SYN3: variants seen among roughly 807,000 people sequenced by gnomAD.
The protein encoded by SYN3 is synapsin III.
Under a neutral mutation model 65.8 loss-of-function variants are expected in SYN3, and 35 were observed. That is an observed-to-expected ratio of 0.53 (90% CI 0.41 to 0.70). The LOEUF is 0.70. SYN3 is among the 30% of genes least tolerant of loss of function. The pLI is 0.00. For missense variants in SYN3, 680 were observed against 749.0 expected (o/e 0.91, Z 1.08); for synonymous variants, 270 against 292.9 (o/e 0.92, Z 0.80).
intron 3 of SYN3, among the ~76,000 whole-genome samples, chr22:32,958,522 A>C (rs571944154): frequency 3.3e-5 from 5 of 152,346 alleles, no homozygotes; most frequent in African/African-American, 1.2e-4. Context: ...AATACTATCC[A>C]TAGTTCCAGT....
At chr22:32,842,305 T>C (rs1601516368) in intron 6 of SYN3, among the ~76,000 whole-genome samples, 1 of 152,158 alleles carries the variant, frequency 6.6e-6, no homozygotes, top group African/African-American at 2.4e-5. Flanking sequence ...TGGTGATCAA[T>C]AGGCTGGGAA....
chr22:32,852,671 C>T (rs1398207181), intron 6 of SYN3, among the ~76,000 whole-genome samples: 1 of 152,146 alleles, frequency 6.6e-6, no homozygotes, highest in South Asian at 2.1e-4. Context: ...GACCTTCTCC[C>T]GTCTGCTAAC....
intron 6 of SYN3, among the ~76,000 whole-genome samples, chr22:32,762,406 T>C (rs943531899): frequency 6.6e-6 from 1 of 152,244 alleles, no homozygotes; most frequent in Non-Finnish European, 1.5e-5. Flanking sequence ...ATGGCTTTAG[T>C]TTCTTTAACT....
chr22:32,538,472 C>G (rs904677723), intron 8 of SYN3, among the ~76,000 whole-genome samples: 5 of 152,136 alleles, frequency 3.3e-5, no homozygotes, highest in African/African-American at 1.2e-4. Flanking sequence ...TTGAGGGCCC[C>G]AAAATGTTAG....
chr22:33,000,490 G>T (rs1037503889), intron 2 of SYN3, among the ~76,000 whole-genome samples: 2 of 152,136 alleles, frequency 1.3e-5, no homozygotes, highest in African/African-American at 4.8e-5. Context: ...CTACAAGCTG[G>T]ACACATCAGG....
intron 6 of SYN3, among the ~76,000 whole-genome samples, chr22:32,803,463 G>A (rs921077502): frequency 2.6e-5 from 4 of 152,144 alleles, no homozygotes; most frequent in Non-Finnish European, 5.9e-5. Flanking sequence ...GCAGCTGAGG[G>A]TGTTTGTGTG....
chr22:33,001,900 C>G (rs1022771953), intron 2 of SYN3, among the ~76,000 whole-genome samples: 5 of 152,172 alleles, frequency 3.3e-5, no homozygotes, highest in Non-Finnish European at 2.9e-5. Flanking sequence ...GTTCAACCTC[C>G]ATGCAAAGAC....
At chr22:32,701,158 TAA>T (rs1050633968) in intron 6 of SYN3, among the ~76,000 whole-genome samples, 3 of 152,214 alleles carry the variant, frequency 2.0e-5, no homozygotes, top group Admixed American at 2.0e-4. Context: ...AGAGTAATAA[TAA>T]GACTGATTTT....
chr22:32,719,746 G>C (rs1601975683), intron 6 of SYN3, among the ~76,000 whole-genome samples: 1 of 152,202 alleles, frequency 6.6e-6, no homozygotes, highest in Non-Finnish European at 1.5e-5. Context: ...TACTCGGGAG[G>C]CTGAGGTGGG....
intron 6 of SYN3, among the ~76,000 whole-genome samples, chr22:32,824,006 C>T (rs924468404): frequency 1.3e-5 from 2 of 152,114 alleles, no homozygotes; most frequent in Non-Finnish European, 2.9e-5. Flanking sequence ...AGGCCAGGCG[C>T]GGTGACTCAC....
At position 32,710,084 on chromosome 22, in the gene SYN3, C is replaced by CAT. The variant is rs1403441679; in HGVS notation, c.712-113349_712-113348insAT. 7.4e-5 allele frequency among the ~76,000 whole-genome samples: 7 copies of CAT among 95,124 alleles called. No homozygotes were observed. The South Asian group carries it at 2.1e-3, about 28-fold the overall frequency. The allele number at this position is 95,124 out of a possible 152,430, so 62.4% of individuals were successfully genotyped here. On this transcript the variant is annotated intron_variant, in intron 6 of 13. Transcript: ENST00000358763. ...ATGTATATATATATATGCACACACA[C>CAT]ACACACACACACACATGTGTGTGTG...
At chr22:32,671,549 GCACA>G (rs547071229) in intron 6 of SYN3, among the ~76,000 whole-genome samples, 1 of 135,562 alleles carries the variant, frequency 7.4e-6, no homozygotes, top group Non-Finnish European at 1.6e-5. Context: ...TCACGCAGGT[GCACA>G]CACACACACA....
At chr22:32,520,613 C>T (rs1394725023) in intron 12 of SYN3, among the ~76,000 whole-genome samples, 1 of 151,572 alleles carries the variant, frequency 6.6e-6, no homozygotes, top group African/African-American at 2.4e-5. Context: ...CTCATAACAT[C>T]TTTATTGCTA....
At chr22:32,877,735 C>T (rs2049021166) in intron 4 of SYN3, among the ~76,000 whole-genome samples, 1 of 151,988 alleles carries the variant, frequency 6.6e-6, no homozygotes, top group Non-Finnish European at 1.5e-5. Flanking sequence ...TCGAAGACAC[C>T]CTCCGCCCTT....
rs2047760007 is a variant in SYN3 at position 32,837,294 on chromosome 22, T to C, written c.711+27621A>G. On this transcript the variant is annotated intron_variant, in intron 6 of 13. Transcript: ENST00000358763. The surrounding 1 kb of genome is among the most constrained non-coding windows in gnomAD (Gnocchi z 4.1). ...GGATAAAGTTTCCCATGGGCCCCCG[T>C]GGAGAGGCTGGAGCACTCTCAGGGG... is the stretch of plus-strand genomic sequence containing the variant. 6.6e-6 allele frequency among the ~76,000 whole-genome samples: 1 copy of C among 152,176 alleles called. No homozygotes were observed. Among genetic ancestry groups the C allele is most frequent in the African/African-American group, 2.4e-5 (1 of 41,454 alleles).
At chr22:32,829,833 T>C (rs906812230) in intron 6 of SYN3, among the ~76,000 whole-genome samples, 4 of 152,232 alleles carry the variant, frequency 2.6e-5, no homozygotes, top group Admixed American at 2.0e-4. Context: ...CGTACCACTT[T>C]TGGCCCAACC....
Position 32,523,638 on chromosome 22 carries a change from C to A in SYN3, c.1318+4280G>T, listed in dbSNP as rs187076668. On this transcript the variant is annotated intron_variant, in intron 12 of 13. Transcript: ENST00000358763. ...TCCTGTCCTTGGGCCTCCCTTTCCC[C>A]TAGACACAACAATATTGAAATTGGA... Among the ~76,000 whole-genome samples, 238 of 152,308 alleles carry A rather than the reference C, an allele frequency of 1.6e-3. 5 individuals carry two copies. The highest frequency in any genetic ancestry group is 5.4e-3 in the African/African-American group (224 of 41,568).
intron 6 of SYN3, among the ~76,000 whole-genome samples, chr22:32,775,201 G>A (rs151118766): frequency 8.7e-4 from 132 of 152,206 alleles, no homozygotes; most frequent in African/African-American, 3.1e-3. Flanking sequence ...GTGTGGAGAG[G>A]TGGACTAGGG....
chr22:33,009,833 CTTA>C (rs2053307034), intron 1 of SYN3, among the ~76,000 whole-genome samples: 1 of 149,588 alleles, frequency 6.7e-6, no homozygotes, highest in African/African-American at 2.5e-5. Flanking sequence ...TATATAAAGT[CTTA>C]TATATATCTG....
Sources: allele counts gnomAD v4.1 joint callset (sites outside exome capture counted in the v4.1 genomes callset), GRCh38; gene constraint gnomAD v4.1.1; non-coding constraint Gnocchi (gnomAD v3.1); transcripts MANE v1.5; gene names NCBI Gene and HGNC (gene_info 2026-07-23, HGNC 2026-07-21).